The following CNTN4 variants were observed in gnomAD, a reference collection of about 807,000 sequenced individuals.
The protein encoded by CNTN4 is contactin-4.
Under a neutral mutation model 122.5 loss-of-function variants are expected in CNTN4, and 77 were observed. The observed-to-expected ratio is 0.63, with a 90% confidence interval of 0.52 to 0.76. The LOEUF is 0.76. Ranked by LOEUF, CNTN4 falls within the 30% of genes least tolerant of loss-of-function variation. CNTN4 has a pLI of 0.00. For missense variants in CNTN4, 1,256 were observed against 1,259.1 expected (o/e 1.00, Z 0.04); for synonymous variants, 512 against 447.0 (o/e 1.15, Z -1.83).
At chr3:2,334,425 C>T (rs530461238) in intron 2 of CNTN4, among the ~76,000 whole-genome samples, 8 of 152,228 alleles carry the variant, frequency 5.3e-5, no homozygotes, top group Non-Finnish European at 1.0e-4. Context: ...TTCCAAATTG[C>T]TGGGATTACA....
rs55883455 is a variant in CNTN4 at position 2,946,704 on chromosome 3, CT to C, written c.1358+20942del. On this transcript the variant is annotated intron_variant, in intron 13 of 24. Coordinates refer to ENST00000418658, the MANE Select transcript of CNTN4 (RefSeq NM_175607.3). ...CAACAGACAGCTTGCTTTTTTTTTT[CT>C]TTTTTTTTTTTTTTTTGAGACAGAG... Among the ~76,000 whole-genome samples, 1,141 of 119,328 alleles carry C rather than the reference CT, an allele frequency of 9.6e-3. 8 individuals carry two copies. Among genetic ancestry groups the C allele is most frequent in the African/African-American group, 0.034 (1,045 of 30,994 alleles). 78.3% of individuals were successfully genotyped at this position (119,328 alleles called of 152,430 possible).
intron 3 of CNTN4, among the ~76,000 whole-genome samples, chr3:2,379,654 A>G (rs1187464562): frequency 6.6e-6 from 1 of 152,214 alleles, no homozygotes; most frequent in Non-Finnish European, 1.5e-5. Context: ...GACTGCAAGA[A>G]TTTGAATCTG....
At chr3:2,388,769 T>A (rs1489136986) in intron 3 of CNTN4, among the ~76,000 whole-genome samples, 1 of 151,594 alleles carries the variant, frequency 6.6e-6, no homozygotes, top group Non-Finnish European at 1.5e-5. Flanking sequence ...CGCTTCAACC[T>A]GGGAGGTAGA....
chr3:2,150,699 T>C (rs2035458499), intron 2 of CNTN4, among the ~76,000 whole-genome samples: 1 of 152,192 alleles, frequency 6.6e-6, no homozygotes. Context: ...TTTTTCTTGG[T>C]TTTACTCTTA....
At chr3:2,115,796 C>T (rs2033309314) in intron 2 of CNTN4, among the ~76,000 whole-genome samples, 2 of 152,136 alleles carry the variant, frequency 1.3e-5, no homozygotes, top group Non-Finnish European at 2.9e-5. Flanking sequence ...TCATATTGTC[C>T]AGTGCCTTCA....
At chr3:2,438,028 G>A (rs1274244848) in intron 3 of CNTN4, among the ~76,000 whole-genome samples, 1 of 152,130 alleles carries the variant, frequency 6.6e-6, no homozygotes, top group Non-Finnish European at 1.5e-5. Context: ...CCTGCCTCCA[G>A]CCAGAGTGGT....
chr3:2,791,031 T>G (rs893222617), intron 6 of CNTN4, among the ~76,000 whole-genome samples: 1 of 152,100 alleles, frequency 6.6e-6, no homozygotes, highest in African/African-American at 2.4e-5. Context: ...TTAAACCTAC[T>G]ATACACTGAA....
intron 3 of CNTN4, among the ~76,000 whole-genome samples, chr3:2,397,140 C>T (rs953396138): frequency 5.3e-5 from 8 of 152,148 alleles, no homozygotes; most frequent in African/African-American, 1.7e-4. Context: ...GAACATCTTG[C>T]ATCTCTGCTG....
chr3:2,667,337 G>T (rs1393666366), intron 4 of CNTN4, among the ~76,000 whole-genome samples: 2 of 152,106 alleles, frequency 1.3e-5, no homozygotes, highest in Non-Finnish European at 2.9e-5. Flanking sequence ...TTCTCTGATG[G>T]CCAGTGATAA....
intron 7 of CNTN4, 152 bp downstream of exon 7, chr3:2,819,733 C>G (rs1421572188): frequency 2.8e-6 from 2 of 710,848 alleles, no homozygotes; most frequent in Non-Finnish European, 5.1e-6. Flanking sequence ...GTGAATGCCT[C>G]CCATCATTAG....
At chr3:2,315,756 T>C (rs918928221) in intron 2 of CNTN4, among the ~76,000 whole-genome samples, 7 of 152,088 alleles carry the variant, frequency 4.6e-5, no homozygotes, top group Non-Finnish European at 8.8e-5. Flanking sequence ...TAGTAAGACA[T>C]TTAACTAGTG....
chr3:2,295,795 GT>G (rs1329480867), intron 2 of CNTN4, among the ~76,000 whole-genome samples: 15 of 152,168 alleles, frequency 9.9e-5, no homozygotes, highest in Middle Eastern at 3.4e-3. Flanking sequence ...TTTTTCTAGG[GT>G]TTTTATGTTT....
chr3:3,009,586 A>G (rs1273540496), intron 14 of CNTN4, among the ~76,000 whole-genome samples: 2 of 80,188 alleles, frequency 2.5e-5, no homozygotes, highest in African/African-American at 4.6e-5. Flanking sequence ...GGCGCCCGCC[A>G]CCACGCCCGG....
intron 8 of CNTN4, among the ~76,000 whole-genome samples, chr3:2,878,027 A>G (rs1371897655): frequency 2.0e-5 from 3 of 152,216 alleles, no homozygotes; most frequent in African/African-American, 7.2e-5. Context: ...TCTTGTTTTT[A>G]TGACTTTAAT....
intron 4 of CNTN4, among the ~76,000 whole-genome samples, chr3:2,598,034 A>T (rs927583770): frequency 5.3e-5 from 8 of 152,052 alleles, no homozygotes; most frequent in African/African-American, 1.9e-4. Flanking sequence ...TCAAGAATTG[A>T]TTTTTGTAAT....
intron 4 of CNTN4, among the ~76,000 whole-genome samples, chr3:2,698,509 A>G (rs768872078): frequency 6.6e-6 from 1 of 152,230 alleles, no homozygotes; most frequent in Non-Finnish European, 1.5e-5. Context: ...TTTTACAAAT[A>G]GGAAGCTGTT....
chr3:2,126,418 C>A (rs1257096446), intron 2 of CNTN4, among the ~76,000 whole-genome samples: 1 of 151,990 alleles, frequency 6.6e-6, no homozygotes, highest in Non-Finnish European at 1.5e-5. Context: ...TATCTGGCAC[C>A]TTTTCTTGTA....
chr3:2,876,063 A>G (rs543591940), intron 8 of CNTN4, among the ~76,000 whole-genome samples: 1 of 152,338 alleles, frequency 6.6e-6, no homozygotes, highest in South Asian at 2.1e-4. Context: ...AGGTTTGATT[A>G]AAGTCAAATC....
chr3:3,043,843 C>T (rs187172442), intron 23 of CNTN4, 139 bp downstream of exon 23: 59 of 702,142 alleles, frequency 8.4e-5, no homozygotes, highest in Admixed American at 7.3e-4. Flanking sequence ...GCCTCCAACA[C>T]GGTTTGATCT....
Sources: allele counts gnomAD v4.1 joint callset (sites outside exome capture counted in the v4.1 genomes callset), GRCh38; gene constraint gnomAD v4.1.1; transcripts MANE v1.5; gene names NCBI Gene and HGNC (gene_info 2026-07-23, HGNC 2026-07-21).